SH2D4A: variants seen among roughly 807,000 people sequenced by gnomAD.
The protein encoded by SH2D4A is SH2 domain-containing protein 4A.
In SH2D4A, 70 loss-of-function variants were observed where a neutral mutation model predicts 64.7. That is an observed-to-expected ratio of 1.08 (90% CI 0.89 to 1.32). The LOEUF (loss-of-function observed/expected upper bound fraction) is 1.32, where lower values mean the gene tolerates loss of function less well. Ranked by LOEUF, SH2D4A falls within the 40% of genes most tolerant of loss-of-function variation. The probability of loss-of-function intolerance (pLI) is 0.00; values close to 1 mark genes in which losing one functional copy is unlikely to be tolerated. For missense variants in SH2D4A, 706 were observed against 540.1 expected (o/e 1.31, Z -3.04); for synonymous variants, 268 against 200.7 (o/e 1.34, Z -2.83).
chr8:19,388,790 C>T (rs1029671908), intron 8 of SH2D4A, among the ~76,000 whole-genome samples: 5 of 152,202 alleles, frequency 3.3e-5, no homozygotes, highest in African/African-American at 1.2e-4. Context: ...TTATAAGACA[C>T]AAGCATTCAT....
At chr8:19,374,605 C>T (rs577970424) in intron 8 of SH2D4A, among the ~76,000 whole-genome samples, 1 of 152,186 alleles carries the variant, frequency 6.6e-6, no homozygotes, top group Non-Finnish European at 1.5e-5. Context: ...CTATTTGTGA[C>T]AGGCTTTCTC....
rs1295966929 is a variant in SH2D4A at position 19,395,688 on chromosome 8, C to T, written c.*1046C>T. 2 of 152,108 alleles carry T rather than the reference C, an allele frequency of 1.3e-5. No homozygotes were observed. Among genetic ancestry groups the T allele is most frequent in the Non-Finnish European group, 2.9e-5 (2 of 68,052 alleles). 9.4% of individuals were successfully genotyped at this position (152,108 alleles called of 1,614,324 possible). On this transcript the variant is annotated 3_prime_UTR_variant, in exon 10 of 10. Transcript: ENST00000265807. ...AGGGACACCAAGGATCTCCGGCCAC[C>T]AGCAGAAGCCAGCAGAGAGGCATGG...
intron 2 of SH2D4A, among the ~76,000 whole-genome samples, chr8:19,328,413 T>C (rs1387380420): frequency 6.6e-6 from 1 of 152,202 alleles, no homozygotes; most frequent in Non-Finnish European, 1.5e-5. Context: ...TACTTCTGCC[T>C]GTCCGCTGCT....
chr8:19,380,862 A>G (rs1401597711), intron 8 of SH2D4A, among the ~76,000 whole-genome samples: 1 of 152,118 alleles, frequency 6.6e-6, no homozygotes, highest in East Asian at 1.9e-4. Flanking sequence ...TTGGGGTCTC[A>G]AGATTCCACA....
At chr8:19,374,009 C>T (rs1186117262) in intron 8 of SH2D4A, among the ~76,000 whole-genome samples, 4 of 152,210 alleles carry the variant, frequency 2.6e-5, no homozygotes, top group Admixed American at 2.0e-4. Flanking sequence ...CCGAGGGACA[C>T]ACAGTCATGG....
chr8:19,314,127 G>C, intron 1 of SH2D4A: 184 of 719,244 alleles, frequency 2.6e-4, no homozygotes, highest in Non-Finnish European at 3.0e-4. Flanking sequence ...GGTGGCGGGG[G>C]AACTTCGAGG....
intron 4 of SH2D4A, among the ~76,000 whole-genome samples, chr8:19,356,728 A>C (rs986802131): frequency 6.6e-6 from 1 of 152,228 alleles, no homozygotes. Context: ...ATTGTGGGCC[A>C]GGCAGGGAAA....
rs1350015039 is a variant in SH2D4A, at chr8:19,357,307, C to A, written c.594+24C>A. ...AGGTAAAAGACTTCCCTTCTGTCCT[C>A]CGGGGGCTGCATACCTAGGCATTTC... On this transcript the variant is annotated intron_variant, in intron 5 of 9. Coordinates refer to ENST00000265807, the MANE Select transcript of SH2D4A (RefSeq NM_022071.4). 4 of 1,532,754 alleles carry A rather than the reference C, an allele frequency of 2.6e-6. No homozygotes were observed. In the African/African-American group the frequency reaches 5.5e-5, roughly 21 times the overall value. 94.9% of individuals were successfully genotyped at this position (1,532,754 alleles called of 1,614,324 possible).
rs148931965 is a variant in SH2D4A at position 19,393,457 on chromosome 8, C to T, written c.1188C>T (p.Ile396=). 4.2e-4 allele frequency: 683 copies of T among 1,614,238 alleles called. 2 individuals are homozygous for T. The African/African-American group carries it at 7.7e-3, about 18-fold the overall frequency. Reference sequence around the variant, plus strand: ...AGGACGGCTGTAAACATTTCCTCATCGATGCCTCTGCAGACGCCTACAGCT... The same window carrying T: ...AGGACGGCTGTAAACATTTCCTCATTGATGCCTCTGCAGACGCCTACAGCT... ...LSEDGCKHFL[I]DASADAYSFL... is the part of the protein sequence containing the mutation. The change falls in exon 9 of 10, where the codon ATC becomes ATT. Residue 396 remains isoleucine (I), a synonymous_variant. Transcript: ENST00000265807.
chr8:19,354,278 G>A (rs1396196242), intron 4 of SH2D4A, among the ~76,000 whole-genome samples: 2 of 152,136 alleles, frequency 1.3e-5, no homozygotes, highest in Non-Finnish European at 2.9e-5. Flanking sequence ...TGGGATTACA[G>A]GCATGAGCCA....
chr8:19,394,337 T>C (rs1328378741), intron 9 of SH2D4A, among the ~76,000 whole-genome samples: 2 of 152,190 alleles, frequency 1.3e-5, no homozygotes, highest in East Asian at 1.9e-4. Context: ...CCCTGACCTA[T>C]GAGAATTCAT....
At position 19,363,086 on chromosome 8, in the gene SH2D4A, T is replaced by G. The variant is rs148416023; in HGVS notation, c.707-986T>G. On this transcript the variant is annotated intron_variant, in intron 6 of 9. Transcript: ENST00000265807. Reference sequence around the variant, plus strand: ...ATGTTGGGGGTATTGATTATTTTTATTTTTTTGAGATGGAGTTTCGCTCTT... The same window carrying G: ...ATGTTGGGGGTATTGATTATTTTTAGTTTTTTGAGATGGAGTTTCGCTCTT... 3.7e-3 allele frequency among the ~76,000 whole-genome samples: 560 copies of G among 152,174 alleles called. 6 individuals are homozygous for G. The highest frequency in any genetic ancestry group is 0.013 in the African/African-American group (520 of 41,518).
chr8:19,321,574 C>G (rs1461989275), intron 2 of SH2D4A, among the ~76,000 whole-genome samples: 1 of 152,200 alleles, frequency 6.6e-6, no homozygotes, highest in Non-Finnish European at 1.5e-5. Flanking sequence ...ATGCCCAGTT[C>G]TGTTGGATTT....
chr8:19,378,594 C>T (rs1015539285), intron 8 of SH2D4A, among the ~76,000 whole-genome samples: 1 of 152,108 alleles, frequency 6.6e-6, no homozygotes, highest in Non-Finnish European at 1.5e-5. Context: ...TGCCACCATG[C>T]CCTGCTAACT....
intron 4 of SH2D4A, among the ~76,000 whole-genome samples, chr8:19,342,116 G>A (rs2117232202): frequency 6.6e-6 from 1 of 152,284 alleles, no homozygotes; most frequent in African/African-American, 2.4e-5. Context: ...GCTGCCAGAA[G>A]AAGTCCAAAT....
chr8:19,351,517 G>C (rs1262917499), intron 4 of SH2D4A, among the ~76,000 whole-genome samples: 1 of 151,978 alleles, frequency 6.6e-6, no homozygotes, highest in Admixed American at 6.6e-5. Flanking sequence ...GCAGGAGAAT[G>C]GCGTGAACCC....
chr8:19,348,307 G>T (rs962907612), intron 4 of SH2D4A, among the ~76,000 whole-genome samples: 1 of 152,050 alleles, frequency 6.6e-6, no homozygotes, highest in Non-Finnish European at 1.5e-5. Context: ...ATGTTGCCCA[G>T]GCTGCTCTTG....
intron 2 of SH2D4A, among the ~76,000 whole-genome samples, chr8:19,330,451 A>G (rs559050210): frequency 2.6e-5 from 4 of 152,246 alleles, no homozygotes; most frequent in Admixed American, 2.6e-4. Context: ...GCCAAGAGCC[A>G]CTGCTTCTTT....
At chr8:19,330,896 A>T (rs897365261) in intron 2 of SH2D4A, among the ~76,000 whole-genome samples, 1 of 152,212 alleles carries the variant, frequency 6.6e-6, no homozygotes, top group Non-Finnish European at 1.5e-5. Flanking sequence ...TTCTAAAGTT[A>T]ACAAACCATC....
Sources: allele counts gnomAD v4.1 joint callset (sites outside exome capture counted in the v4.1 genomes callset), GRCh38; gene constraint gnomAD v4.1.1; transcripts MANE v1.5; gene names NCBI Gene and HGNC (gene_info 2026-07-23, HGNC 2026-07-21).